Variants in TEX11 observed in about 807,000 individuals in gnomAD.
The protein encoded by TEX11 is testis expressed 11, also known as testis-expressed protein 11.
TEX11 carries 7 observed loss-of-function variants against 84.4 expected under a neutral mutation model. The ratio of observed to expected loss-of-function variants is 0.08; its 90% confidence interval spans 0.05 to 0.16. TEX11 has a LOEUF of 0.16. TEX11 is among the 10% of genes least tolerant of loss of function. TEX11 has a pLI of 1.00. For missense variants in TEX11, 551 were observed against 660.5 expected, an observed-to-expected ratio of 0.83 and a Z score of 1.82; for synonymous variants, 264 against 222.8, an observed-to-expected ratio of 1.18 and a Z score of -1.64.
At chrX:70,897,265 G>A (rs896163264) in intron 2 of TEX11, among the ~76,000 whole-genome samples, 2 of 96,727 alleles carry the variant, frequency 2.1e-5, no homozygotes, top group Admixed American at 2.5e-4. Flanking sequence ...CTTGGTGATA[G>A]TGTTGCTATC....
intron 27 of TEX11, 109 bp downstream of exon 27, chrX:70,553,197 C>T (rs2088240945): frequency 2.3e-6 from 1 of 443,774 alleles, no homozygotes; most frequent in African/African-American, 2.5e-5. Flanking sequence ...GCCCCCAGAT[C>T]ATCCCCATAT....
At chrX:70,561,058 G>C (rs904579108) in intron 25 of TEX11, among the ~76,000 whole-genome samples, 2 of 108,071 alleles carry the variant, frequency 1.9e-5, no homozygotes, top group African/African-American at 3.4e-5. Context: ...GCCCCAGCTG[G>C]GATTTTGATT....
intron 13 of TEX11, among the ~76,000 whole-genome samples, chrX:70,712,950 T>G (rs142344080): frequency 1.5e-4 from 17 of 111,608 alleles, no homozygotes; most frequent in Non-Finnish European, 3.0e-4. Flanking sequence ...CTCTTATTAT[T>G]TTGAGATACA....
chrX:70,533,755 G>A (rs1159357254), intron 28 of TEX11, among the ~76,000 whole-genome samples: 2 of 110,488 alleles, frequency 1.8e-5, no homozygotes, highest in Non-Finnish European at 3.8e-5. Context: ...TAAGAGCAAT[G>A]GGAAACTACT....
chrX:70,844,026 G>C (rs2091463551), intron 7 of TEX11, among the ~76,000 whole-genome samples: 1 of 110,717 alleles, frequency 9.0e-6, no homozygotes, highest in African/African-American at 3.3e-5. Flanking sequence ...CTGTAAACTA[G>C]TTCAACCATT....
At chrX:70,705,502 T>C (rs748534437) in intron 13 of TEX11, among the ~76,000 whole-genome samples, 2 of 111,447 alleles carry the variant, frequency 1.8e-5, no homozygotes, top group Non-Finnish European at 3.8e-5. Flanking sequence ...CAAAAGAAAC[T>C]ACCATCAGAG....
At chrX:70,559,164 C>T (rs1215705265) in intron 25 of TEX11, among the ~76,000 whole-genome samples, 2 of 112,010 alleles carry the variant, frequency 1.8e-5, no homozygotes, top group Admixed American at 9.5e-5. Flanking sequence ...TAGAAATGAT[C>T]CAAATGTCCA....
rs1265091569 is a variant in TEX11, at chrX:70,729,603, T to G, written c.844-4260A>C. Among the ~76,000 whole-genome samples the G allele has an allele frequency of 2.7e-5, 3 of 110,602 alleles. No homozygotes were observed. In the Admixed American group the frequency reaches 2.9e-4, roughly 11 times the overall value. On this transcript the variant is annotated intron_variant, in intron 11 of 29. Coordinates refer to ENST00000374333, the MANE Select transcript of TEX11 (RefSeq NM_031276.3). The stretch of plus-strand genomic sequence containing the variant: ...ATGAAATGAAGCGAGAAGAGAAGTT[T>G]AGAGAAAAAAGAATAAAAAGAAATG...
chrX:70,750,618 G>A (rs1243786095), intron 9 of TEX11, among the ~76,000 whole-genome samples: 1 of 103,435 alleles, frequency 9.7e-6, no homozygotes, highest in Admixed American at 1.1e-4. Flanking sequence ...CATGTCCTTT[G>A]TAGGGACATG....
intron 7 of TEX11, among the ~76,000 whole-genome samples, chrX:70,846,612 C>T (rs2091480313): frequency 8.9e-6 from 1 of 111,917 alleles, no homozygotes; most frequent in Non-Finnish European, 1.9e-5. Context: ...TTTGTCCCTT[C>T]CAAATCTCAT....
At chrX:70,651,841 TG>T (rs2089815145) in intron 16 of TEX11, among the ~76,000 whole-genome samples, 1 of 111,803 alleles carries the variant, frequency 8.9e-6, no homozygotes, top group Non-Finnish European at 1.9e-5. Flanking sequence ...AAAGAGCAAC[TG>T]ACAAATAGCA....
At chrX:70,636,660 C>T (rs2089578301) in intron 17 of TEX11, among the ~76,000 whole-genome samples, 1 of 112,264 alleles carries the variant, frequency 8.9e-6, no homozygotes, top group East Asian at 2.8e-4. Context: ...GTTTGGTCAG[C>T]CAATGGGGGC....
chrX:70,518,895 T>C, the TEX11 span, among the ~76,000 whole-genome samples: 1 of 112,144 alleles, frequency 8.9e-6, no homozygotes, highest in African/African-American at 3.2e-5. Flanking sequence ...TTGATCTTTG[T>C]TGGTTTAAAG....
intron 9 of TEX11, among the ~76,000 whole-genome samples, chrX:70,786,278 T>C (rs756086684): frequency 2.7e-5 from 3 of 110,479 alleles, no homozygotes; most frequent in Non-Finnish European, 5.7e-5. Flanking sequence ...ATGAGAACAC[T>C]TGGACACAGG....
intron 8 of TEX11, among the ~76,000 whole-genome samples, chrX:70,832,681 C>A (rs1354753959): frequency 4.5e-5 from 5 of 111,101 alleles, no homozygotes; most frequent in Non-Finnish European, 9.4e-5. Flanking sequence ...TAGGCATAGG[C>A]GCTGAAATAG....
At chrX:70,839,996 C>T (rs1464436127) in intron 7 of TEX11, among the ~76,000 whole-genome samples, 3 of 111,703 alleles carry the variant, frequency 2.7e-5, no homozygotes, top group Non-Finnish European at 3.8e-5. Flanking sequence ...ACCAAATCTA[C>T]GTCTGATTGG....
chrX:70,563,165 C>T (rs2088398994), intron 25 of TEX11, among the ~76,000 whole-genome samples: 1 of 111,586 alleles, frequency 9.0e-6, no homozygotes, highest in South Asian at 3.8e-4. Flanking sequence ...CTAATGCATA[C>T]ACAGGGCAGG....
At chrX:70,764,542 C>T (rs1030903532) in intron 9 of TEX11, among the ~76,000 whole-genome samples, 4 of 111,182 alleles carry the variant, frequency 3.6e-5, no homozygotes, top group African/African-American at 6.5e-5. Flanking sequence ...AACAAAAATG[C>T]GGTTTTTTGA....
chrX:70,576,386 A>G (rs1474755782), intron 25 of TEX11, among the ~76,000 whole-genome samples: 2 of 112,587 alleles, frequency 1.8e-5, no homozygotes, highest in African/African-American at 6.4e-5. Context: ...CATTGGAAAT[A>G]CAAAATCTCA....
Sources: gnomAD v4.1 joint callset for allele counts (sites outside exome capture counted in the v4.1 genomes callset) on GRCh38, gnomAD v4.1.1 for gene constraint, MANE v1.5 for transcripts, NCBI Gene and HGNC (gene_info 2026-07-23, HGNC 2026-07-21) for gene names.